The following NRG3 variants were observed in gnomAD, a reference collection of about 807,000 sequenced individuals.
The protein encoded by NRG3 is neuregulin 3, also known as pro-neuregulin-3, membrane-bound isoform.
A neutral mutation model predicts 66.9 loss-of-function variants in NRG3; 31 were observed. The ratio of observed to expected loss-of-function variants is 0.46; its 90% CI spans 0.35 to 0.63. NRG3 has a LOEUF of 0.63. Ranked by LOEUF, NRG3 falls within the 20% of genes least tolerant of loss-of-function variation. NRG3 has a pLI of 0.00. For missense variants in NRG3, 910 were observed against 878.9 expected, an observed-to-expected ratio of 1.04 and a Z score of -0.45; for synonymous variants, 393 against 359.4, an observed-to-expected ratio of 1.09 and a Z score of -1.06.
chr10:82,584,375 T>C (rs745938570), intron 2 of NRG3, among the ~76,000 whole-genome samples: 15 of 152,176 alleles, frequency 9.9e-5, no homozygotes, highest in Non-Finnish European at 2.1e-4. Flanking sequence ...CATGAGCCAC[T>C]GCACCTGGCC....
chr10:81,922,769 C>T (rs905554345), intron 1 of NRG3, among the ~76,000 whole-genome samples: 20 of 151,404 alleles, frequency 1.3e-4, no homozygotes, highest in Admixed American at 1.2e-3. Context: ...TACGTGTGAG[C>T]TGGGTTTGGA....
intron 1 of NRG3, among the ~76,000 whole-genome samples, chr10:81,991,646 AT>A (rs956386637): frequency 8.5e-5 from 13 of 152,192 alleles, no homozygotes; most frequent in African/African-American, 3.1e-4. Flanking sequence ...CTGTGATGAG[AT>A]TTTTTTTAAA....
At chr10:81,978,813 C>G (rs2060220632) in intron 1 of NRG3, among the ~76,000 whole-genome samples, 1 of 152,040 alleles carries the variant, frequency 6.6e-6, no homozygotes, top group Admixed American at 6.6e-5. Flanking sequence ...GCCTCAGTCT[C>G]CAAAAACATT....
intron 1 of NRG3, among the ~76,000 whole-genome samples, chr10:82,350,018 C>T (rs1455468096): frequency 6.6e-6 from 1 of 152,156 alleles, no homozygotes; most frequent in Non-Finnish European, 1.5e-5. Context: ...CGGAAATCAC[C>T]GTCTTCTGCG....
At chr10:82,893,676 G>T (rs928101998) in intron 4 of NRG3, among the ~76,000 whole-genome samples, 10 of 151,760 alleles carry the variant, frequency 6.6e-5, no homozygotes, top group African/African-American at 2.2e-4. Flanking sequence ...AACAGAGCGA[G>T]ACTTTGTCAA....
chr10:82,213,878 C>T (rs932540040), intron 1 of NRG3, among the ~76,000 whole-genome samples: 39 of 152,234 alleles, frequency 2.6e-4, no homozygotes, highest in African/African-American at 9.1e-4. Context: ...AGGTAAGTAG[C>T]ACCAGAGTCG....
chr10:82,249,947 T>TA (rs2134085689), intron 1 of NRG3, among the ~76,000 whole-genome samples: 1 of 152,316 alleles, frequency 6.6e-6, no homozygotes, highest in Non-Finnish European at 1.5e-5. Context: ...TGAGGCCCTC[T>TA]AAGCCCAATG....
rs536373133 is a variant in NRG3 at position 82,012,198 on chromosome 10, G to A, written c.823+136035G>A. Among the ~76,000 whole-genome samples the A allele has an allele frequency of 2.5e-4, 38 of 152,260 alleles. 1 individual carries two copies. The highest frequency in any genetic ancestry group is 3.4e-3 in the Middle Eastern group (1 of 294). On this transcript the variant is annotated intron_variant, in intron 1 of 8. Transcript: ENST00000372141. ...TGTGTACCCACATGCTCAACATCAC[G>A]TGGAAGCTGCCATGGCTTGGGATTT... is the stretch of plus-strand genomic sequence containing the variant.
At chr10:82,700,967 T>A (rs1020789942) in intron 2 of NRG3, among the ~76,000 whole-genome samples, 2 of 152,130 alleles carry the variant, frequency 1.3e-5, no homozygotes, top group Admixed American at 6.6e-5. Flanking sequence ...GCCTGAATTT[T>A]CCTATTTAAA....
At chr10:81,876,202 A>C in intron 1 of NRG3, 39 bp downstream of exon 1, 1 of 1,533,868 alleles carries the variant, frequency 6.5e-7, no homozygotes, top group Non-Finnish European at 8.8e-7. Flanking sequence ...TTTACTACTG[A>C]GTTTCCCTTC....
At chr10:82,536,497 G>C (rs1481321856) in intron 2 of NRG3, among the ~76,000 whole-genome samples, 2 of 152,094 alleles carry the variant, frequency 1.3e-5, no homozygotes, top group Non-Finnish European at 2.9e-5. Flanking sequence ...GTGGGGGATG[G>C]GGAATTGAGG....
chr10:82,796,017 C>A (rs2060786354), intron 3 of NRG3, among the ~76,000 whole-genome samples: 1 of 152,010 alleles, frequency 6.6e-6, no homozygotes, highest in South Asian at 2.1e-4. Flanking sequence ...CCAATCGATT[C>A]ATATTTACTT....
intron 3 of NRG3, among the ~76,000 whole-genome samples, chr10:82,795,723 G>A (rs917293752): frequency 2.6e-5 from 4 of 152,098 alleles, no homozygotes; most frequent in African/African-American, 9.7e-5. Flanking sequence ...TTTTAAAGGG[G>A]TAAAGCAGAA....
At chr10:82,092,063 G>C (rs189010160) in intron 1 of NRG3, among the ~76,000 whole-genome samples, 14 of 152,064 alleles carry the variant, frequency 9.2e-5, no homozygotes, top group Non-Finnish European at 8.8e-5. Context: ...CATTTTTTTG[G>C]CACTTATTCC....
At chr10:82,873,096 A>G (rs1396044617) in intron 4 of NRG3, among the ~76,000 whole-genome samples, 2 of 152,090 alleles carry the variant, frequency 1.3e-5, no homozygotes, top group East Asian at 3.9e-4. Context: ...ATTCAACATG[A>G]TTTTTCATTT....
At chr10:82,123,966 C>G (rs2068261201) in intron 1 of NRG3, among the ~76,000 whole-genome samples, 1 of 151,906 alleles carries the variant, frequency 6.6e-6, no homozygotes, top group Non-Finnish European at 1.5e-5. Context: ...GCTATTCTCA[C>G]CCCCTTCAAT....
At chr10:82,155,897 C>T (rs1207073422) in intron 1 of NRG3, among the ~76,000 whole-genome samples, 2 of 151,734 alleles carry the variant, frequency 1.3e-5, no homozygotes, top group Non-Finnish European at 3.0e-5. Flanking sequence ...ATCCTCTAAA[C>T]TTTAGCTGCT....
intron 1 of NRG3, among the ~76,000 whole-genome samples, chr10:82,072,253 G>A (rs1347396859): frequency 1.3e-5 from 2 of 152,184 alleles, no homozygotes; most frequent in Admixed American, 1.3e-4. Flanking sequence ...TGCATTAAAG[G>A]TATTAAGAAG....
Position 82,646,654 on chromosome 10 carries a change from G to T in NRG3, c.954-91923G>T, listed in dbSNP as rs138642600. On this transcript the variant is annotated intron_variant, in intron 2 of 8. Transcript: ENST00000372141. Reference sequence around the variant, plus strand: ...AATAACTATTACAATAGGGAAGAGAGTCTATTGTAAACTGAGCTCAACTTT... The same window carrying T: ...AATAACTATTACAATAGGGAAGAGATTCTATTGTAAACTGAGCTCAACTTT... 1.8e-3 allele frequency among the ~76,000 whole-genome samples: 268 copies of T among 152,264 alleles called. 2 individuals are homozygous for T. Among genetic ancestry groups the T allele is most frequent in the African/African-American group, 6.2e-3 (258 of 41,552 alleles).
Sources: allele counts gnomAD v4.1 joint callset (sites outside exome capture counted in the v4.1 genomes callset), GRCh38; gene constraint gnomAD v4.1.1; transcripts MANE v1.5; gene names NCBI Gene and HGNC (gene_info 2026-07-23, HGNC 2026-07-21).